SEPHS1: variants seen among roughly 807,000 people sequenced by gnomAD.
SEPHS1 encodes zincore component SEPHS1.
SEPHS1 carries 7 observed loss-of-function variants against 39.2 expected under a neutral mutation model. The observed-to-expected ratio is 0.18, with a 90% CI of 0.10 to 0.34. The LOEUF (loss-of-function observed/expected upper bound fraction) is 0.34, where lower values mean the gene tolerates loss of function less well. SEPHS1 is among the 10% of genes least tolerant of loss of function. The pLI is 1.00. For synonymous variants in SEPHS1, 190 were observed against 195.5 expected, an observed-to-expected ratio of 0.97 and a Z score of 0.23; for missense variants, 253 against 514.5, an observed-to-expected ratio of 0.49 and a Z score of 4.92.
rs1195527990 is a variant in SEPHS1 at position 13,317,483 on chromosome 10, C to T, written c.*1659G>A. On this transcript the variant is annotated 3_prime_UTR_variant, in exon 9 of 9. Transcript: ENST00000327347. ...TATTTTGCAGACCACTGGTTTGTAG[C>T]TTTTGAGGACCAACATCTCTATCAA... The T allele has an allele frequency of 6.6e-6, 1 of 151,660 alleles. No homozygotes were observed. The highest frequency in any genetic ancestry group is 2.4e-5 in the African/African-American group (1 of 41,238). 9.4% of individuals were successfully genotyped at this position (151,660 alleles called of 1,614,324 possible).
chr10:13,336,683 A>G (rs1253011833), intron 3 of SEPHS1, among the ~76,000 whole-genome samples: 1 of 152,174 alleles, frequency 6.6e-6, no homozygotes, highest in African/African-American at 2.4e-5. Flanking sequence ...TGAGGAGGAG[A>G]AGCAAGTTTA....
intron 8 of SEPHS1, among the ~76,000 whole-genome samples, chr10:13,322,609 A>G (rs943283482): frequency 2.3e-4 from 35 of 152,302 alleles, no homozygotes; most frequent in African/African-American, 8.2e-4. Flanking sequence ...CCTTGCATCA[A>G]AAAGAGCACA....
chr10:13,325,953 A>ATAATAATAATAATAAT (rs1222340270), intron 7 of SEPHS1, among the ~76,000 whole-genome samples: 1 of 112,278 alleles, frequency 8.9e-6, no homozygotes, highest in Admixed American at 9.5e-5. Context: ...TCTCAAAAAA[A>ATAATAATAATAATAAT]AAAAAAAAAA....
intron 2 of SEPHS1, among the ~76,000 whole-genome samples, chr10:13,344,357 TA>T (rs1564454664): frequency 6.6e-6 from 1 of 152,120 alleles, no homozygotes; most frequent in Non-Finnish European, 1.5e-5. Context: ...AAATAAAAAT[TA>T]AAAAGTTTTT....
chr10:13,319,558 A>T (rs1833040185), intron 8 of SEPHS1, among the ~76,000 whole-genome samples: 1 of 152,184 alleles, frequency 6.6e-6, no homozygotes, highest in Non-Finnish European at 1.5e-5. Context: ...GTACAATCAC[A>T]GCTCACTGCA....
rs1256263662 is a variant in SEPHS1 at position 13,318,607 on chromosome 10, G to C, written c.*535C>G. The C allele has an allele frequency of 6.5e-6, 1 of 153,630 alleles. No homozygotes were observed. Among genetic ancestry groups the C allele is most frequent in the Non-Finnish European group, 1.4e-5 (1 of 69,092 alleles). The allele number at this position is 153,630 out of a possible 1,614,324, so 9.5% of individuals were successfully genotyped here. ...CACTACTGGAGAATGTTCTGGGTCC[G>C]AGATGCTCTTGAGAGACAAGACTAG... On this transcript the variant is annotated 3_prime_UTR_variant, in exon 9 of 9. Coordinates refer to ENST00000327347, the MANE Select transcript of SEPHS1 (RefSeq NM_012247.5).
chr10:13,321,098 C>T (rs867910926), intron 8 of SEPHS1, among the ~76,000 whole-genome samples: 4 of 152,090 alleles, frequency 2.6e-5, no homozygotes, highest in Admixed American at 6.5e-5. Flanking sequence ...CAGCACAGGT[C>T]GACGTGACCA....
At chr10:13,347,676 C>G (rs1833967840) in intron 1 of SEPHS1, among the ~76,000 whole-genome samples, 1 of 147,080 alleles carries the variant, frequency 6.8e-6, no homozygotes, top group South Asian at 2.1e-4. Context: ...CCGCCGCCGC[C>G]GCCGCGCAAA....
intron 7 of SEPHS1, among the ~76,000 whole-genome samples, chr10:13,323,562 C>T (rs1470121884): frequency 6.6e-6 from 1 of 151,904 alleles, no homozygotes; most frequent in East Asian, 1.9e-4. Context: ...ACCATATTGG[C>T]CAGGCTGATC....
At chr10:13,334,620 G>C (rs973210115) in intron 4 of SEPHS1, among the ~76,000 whole-genome samples, 15 of 152,022 alleles carry the variant, frequency 9.9e-5, no homozygotes, top group Non-Finnish European at 5.9e-5. Context: ...TGAAGTGGGA[G>C]GATGTCTTGA....
At chr10:13,322,741 A>G (rs1833152431) in intron 8 of SEPHS1, 94 bp downstream of exon 8, 1 of 1,193,122 alleles carries the variant, frequency 8.4e-7, no homozygotes. Context: ...ACTCGAACAG[A>G]GTGGGGGCCC....
At chr10:13,346,894 C>T (rs1833938440) in intron 1 of SEPHS1, among the ~76,000 whole-genome samples, 1 of 152,028 alleles carries the variant, frequency 6.6e-6, no homozygotes. Context: ...TTTAAAACAC[C>T]TTGTATCAGG....
In SEPHS1 at chr10:13,319,135, G is replaced by A. The variant is rs750095396; in HGVS notation, c.*7C>T. 2 of 1,611,030 alleles carry A rather than the reference G, an allele frequency of 1.2e-6. No individual in the cohort carries two copies. The highest frequency in any genetic ancestry group is 1.1e-5 in the South Asian group (1 of 90,372). Reference sequence around the variant, plus strand: ...AAAACAAAACCAAACAGCTATTTCTGTCTAGATTAAGAGGTGGCCCCGGGT... The same window carrying A: ...AAAACAAAACCAAACAGCTATTTCTATCTAGATTAAGAGGTGGCCCCGGGT... On this transcript the variant is annotated 3_prime_UTR_variant, in exon 9 of 9. Coordinates refer to ENST00000327347, the MANE Select transcript of SEPHS1 (RefSeq NM_012247.5).
intron 7 of SEPHS1, among the ~76,000 whole-genome samples, chr10:13,325,953 AAAAAAAAAAAAT>A (rs1588535465): frequency 8.9e-6 from 1 of 112,278 alleles, no homozygotes; most frequent in South Asian, 2.8e-4. Flanking sequence ...TCTCAAAAAA[AAAAAAAAAAAAT>A]AATAATAATA....
At chr10:13,330,811 C>T (rs1314090447) in intron 5 of SEPHS1, among the ~76,000 whole-genome samples, 1 of 149,704 alleles carries the variant, frequency 6.7e-6, no homozygotes, top group African/African-American at 2.4e-5. Context: ...CTCAGTTGTA[C>T]CATAAAGTTG....
intron 7 of SEPHS1, among the ~76,000 whole-genome samples, chr10:13,324,833 C>CA (rs1491312334): frequency 1.3e-5 from 2 of 152,194 alleles, no homozygotes; most frequent in African/African-American, 4.8e-5. Context: ...AGGCTATTCT[C>CA]AGTGTTTTGG....
chr10:13,321,707 C>T (rs1035665638), intron 8 of SEPHS1, among the ~76,000 whole-genome samples: 2 of 152,182 alleles, frequency 1.3e-5, no homozygotes, highest in African/African-American at 2.4e-5. Flanking sequence ...AGAAATGGTA[C>T]TTCAGGAGGA....
chr10:13,330,088 C>T (rs1275056605), intron 5 of SEPHS1, among the ~76,000 whole-genome samples: 1 of 152,104 alleles, frequency 6.6e-6, no homozygotes, highest in Non-Finnish European at 1.5e-5. Context: ...GCCTGGGCAA[C>T]ACAACAAGGA....
At chr10:13,335,701 C>T (rs1012815037) in intron 4 of SEPHS1, among the ~76,000 whole-genome samples, 12 of 150,586 alleles carry the variant, frequency 8.0e-5, no homozygotes, top group Admixed American at 3.3e-4. Context: ...TGCCTTGGGC[C>T]GGGCACGGTG....
Sources: allele counts gnomAD v4.1 joint callset (sites outside exome capture counted in the v4.1 genomes callset), GRCh38; gene constraint gnomAD v4.1.1; transcripts MANE v1.5; gene names NCBI Gene and HGNC (gene_info 2026-07-23, HGNC 2026-07-21).